Variants in DCT observed in about 807,000 individuals in gnomAD.
The protein encoded by DCT is dopachrome tautomerase, also known as L-dopachrome tautomerase.
A neutral mutation model predicts 53.0 loss-of-function variants in DCT; 47 were observed. The observed-to-expected ratio is 0.89, with a 90% CI of 0.70 to 1.13. DCT has a LOEUF of 1.13. DCT is among the 50% of genes most tolerant of loss of function. The pLI is 0.00. For synonymous variants in DCT, 244 were observed against 237.0 expected, an observed-to-expected ratio of 1.03 and a Z score of -0.27; for missense variants, 669 against 637.4, an observed-to-expected ratio of 1.05 and a Z score of -0.53.
At chr13:94,446,747 T>G (rs560757513) in intron 6 of DCT, among the ~76,000 whole-genome samples, 4 of 152,216 alleles carry the variant, frequency 2.6e-5, no homozygotes, top group Non-Finnish European at 5.9e-5. Context: ...CAGACCTCAC[T>G]CCTACCTTCT....
chr13:94,484,725 C>A, the DCT span, among the ~76,000 whole-genome samples: 3 of 152,210 alleles, frequency 2.0e-5, no homozygotes, highest in South Asian at 6.2e-4. Flanking sequence ...TCTAAATTTC[C>A]TTTTTTTATA....
the DCT span, among the ~76,000 whole-genome samples, chr13:94,537,633 GA>G: frequency 0.012 from 1,767 of 149,678 alleles, 35 homozygotes; most frequent in African/African-American, 0.041. Context: ...ATGCAAGTGA[GA>G]AAAAAAAACA....
intron 6 of DCT, among the ~76,000 whole-genome samples, chr13:94,455,724 G>A (rs1000504599): frequency 6.6e-6 from 1 of 152,092 alleles, no homozygotes; most frequent in South Asian, 2.1e-4. Context: ...AAGGAGATAC[G>A]GTTTAGCAAT....
chr13:94,530,276 G>A, the DCT span, among the ~76,000 whole-genome samples: 8 of 152,244 alleles, frequency 5.3e-5, no homozygotes, highest in South Asian at 4.1e-4. Context: ...GAATCCTCCC[G>A]AACTCATCTT....
chr13:94,440,197 T>A, intron 7 of DCT, 121 bp from the exon 8 acceptor site: 1 of 679,536 alleles, frequency 1.5e-6, no homozygotes, highest in Non-Finnish European at 2.5e-6. Context: ...AAACTACTCA[T>A]GCTAGACTAA....
Position 94,472,517 on chromosome 13 carries a change from CATACATATATATATATAT to C in DCT, c.296-3490_296-3473del, listed in dbSNP as rs1298647392. Among the ~76,000 whole-genome samples, 270 of 47,786 alleles carry C rather than the reference CATACATATATATATATAT, an allele frequency of 5.7e-3. 5 individuals carry two copies. The highest frequency in any genetic ancestry group is 7.4e-3 in the South Asian group (10 of 1,346). The allele number at this position is 47,786 out of a possible 152,430, so 31.3% of individuals were successfully genotyped here. ...ATACAGTGAGTTAAATATATACATA[CATACATATATATATATAT>C]ATATATATATATATATATATATATA... On this transcript the variant is annotated intron_variant, in intron 1 of 7. Transcript: ENST00000377028.
intron 6 of DCT, 119 bp from the exon 7 acceptor site, chr13:94,443,756 C>T (rs1390367998): frequency 1.3e-6 from 1 of 785,354 alleles, no homozygotes; most frequent in Non-Finnish European, 2.1e-6. Flanking sequence ...TTCTGTATAC[C>T]CATGTGTGGA....
the DCT span, among the ~76,000 whole-genome samples, chr13:94,545,021 A>G: frequency 6.6e-6 from 1 of 152,072 alleles, no homozygotes; most frequent in African/African-American, 2.4e-5. Flanking sequence ...GTAAGTGGCG[A>G]CCCTATTCTC....
At chr13:94,475,711 C>A (rs1885028969) in intron 1 of DCT, among the ~76,000 whole-genome samples, 1 of 152,140 alleles carries the variant, frequency 6.6e-6, no homozygotes. Flanking sequence ...AAACAAAGAA[C>A]CACGAGGAAC....
the DCT span, among the ~76,000 whole-genome samples, chr13:94,531,490 A>G: frequency 6.6e-6 from 1 of 152,144 alleles, no homozygotes; most frequent in Non-Finnish European, 1.5e-5. Context: ...AACACCACAC[A>G]TCTACGACCG....
At chr13:94,499,465 A>AGTGTGT in the DCT span, among the ~76,000 whole-genome samples, 143 of 150,800 alleles carry the variant, frequency 9.5e-4, 1 homozygote, top group African/African-American at 2.8e-3. Context: ...CATGAGAGTG[A>AGTGTGT]GTGTGTGTGT....
intron 7 of DCT, 125 bp downstream of exon 7, chr13:94,443,311 A>G: frequency 1.3e-6 from 1 of 741,688 alleles, no homozygotes; most frequent in Non-Finnish European, 2.2e-6. Context: ...AAAATGGTCA[A>G]TAAACTTAAC....
At chr13:94,483,997 A>C (rs1360462923), upstream of DCT, among the ~76,000 whole-genome samples, 1 of 152,210 alleles carries the variant, frequency 6.6e-6, no homozygotes, top group African/African-American at 2.4e-5. Context: ...AATTTTGTCT[A>C]CATCCACTCA....
chr13:94,516,056 G>A, the DCT span, among the ~76,000 whole-genome samples: 8 of 17,558 alleles, frequency 4.6e-4, no homozygotes, highest in Non-Finnish European at 7.5e-4. Flanking sequence ...CCCACCCACC[G>A]TCTAACTTTA....
the DCT span, among the ~76,000 whole-genome samples, chr13:94,522,050 T>G: frequency 6.6e-6 from 1 of 152,206 alleles, no homozygotes; most frequent in Non-Finnish European, 1.5e-5. Context: ...GGTTCACCCA[T>G]GTTGTAGCAT....
the DCT span, among the ~76,000 whole-genome samples, chr13:94,485,154 G>A: frequency 2.6e-5 from 4 of 151,956 alleles, no homozygotes; most frequent in African/African-American, 7.3e-5. Context: ...GGCCACAAGA[G>A]GAACTTCAGG....
the DCT span, among the ~76,000 whole-genome samples, chr13:94,528,815 C>A: frequency 7.7e-4 from 96 of 124,372 alleles, 1 homozygote; most frequent in Admixed American, 1.2e-3. Flanking sequence ...TGTAAATGGG[C>A]TAAAGCCCCA....
chr13:94,437,325 T>C lies in DCT; in HGVS notation c.*2573A>G, dbSNP rs1881962863. On this transcript the variant is annotated 3_prime_UTR_variant, in exon 8 of 8. Transcript: ENST00000377028. ...ACAATAATCTGCAAAACAACATTTA[T>C]TTTTAGTTTCCTTTTTAGTAAGTTT... 6.6e-6 allele frequency: 1 copy of C among 152,316 alleles called. No individual in the cohort carries two copies. Among genetic ancestry groups the C allele is most frequent in the African/African-American group, 2.4e-5 (1 of 41,556 alleles). 9.4% of individuals were successfully genotyped at this position (152,316 alleles called of 1,614,324 possible). A position where few individuals can be genotyped will look rare whatever the true frequency, so the allele number is the denominator to read the frequency against.
At chr13:94,453,787 T>C (rs2139305525) in intron 6 of DCT, among the ~76,000 whole-genome samples, 1 of 152,324 alleles carries the variant, frequency 6.6e-6, no homozygotes, top group East Asian at 1.9e-4. Flanking sequence ...TAAGATGTGC[T>C]TTTCACCTTC....
Sources: gnomAD v4.1 joint callset for allele counts (sites outside exome capture counted in the v4.1 genomes callset) on GRCh38, gnomAD v4.1.1 for gene constraint, MANE v1.5 for transcripts, NCBI Gene and HGNC (gene_info 2026-07-23, HGNC 2026-07-21) for gene names.